Variants in ARHGAP6 observed in about 807,000 individuals in gnomAD.
ARHGAP6 encodes the protein rho GTPase-activating protein 6.
ARHGAP6 carries 16 observed loss-of-function variants against 55.7 expected under a neutral mutation model. The observed-to-expected ratio is 0.29, with a 90% CI of 0.19 to 0.44. ARHGAP6 has a LOEUF of 0.44. Among genes scored for constraint, ARHGAP6 ranks in the 20% least tolerant of loss-of-function variants. The probability of loss-of-function intolerance (pLI) is 1.00; values close to 1 mark genes in which losing one functional copy is unlikely to be tolerated. For missense variants in ARHGAP6, 698 were observed against 808.9 expected (o/e 0.86, Z 1.66); for synonymous variants, 382 against 360.9 (o/e 1.06, Z -0.66).
intron 2 of ARHGAP6, among the ~76,000 whole-genome samples, chrX:11,224,020 T>C (rs943124103): frequency 1.8e-5 from 2 of 112,159 alleles, no homozygotes; most frequent in Non-Finnish European, 3.8e-5. Context: ...CTTGCTACTT[T>C]ATAGTATAAA....
At chrX:11,232,387 G>A (rs1199504611) in intron 2 of ARHGAP6, among the ~76,000 whole-genome samples, 1 of 111,109 alleles carries the variant, frequency 9.0e-6, no homozygotes, top group Non-Finnish European at 1.9e-5. Flanking sequence ...TTGGGAGGCT[G>A]AGGCCGGCAG....
chrX:11,207,648 G>A (rs1213816314), intron 2 of ARHGAP6, among the ~76,000 whole-genome samples: 1 of 112,063 alleles, frequency 8.9e-6, no homozygotes, highest in Non-Finnish European at 1.9e-5. Context: ...TAGTCATTGA[G>A]CAACGGGCTG....
intron 10 of ARHGAP6, among the ~76,000 whole-genome samples, chrX:11,147,310 A>G (rs1481241827): frequency 1.3e-5 from 1 of 79,880 alleles, no homozygotes; most frequent in Non-Finnish European, 2.8e-5. Flanking sequence ...ACACAGACAC[A>G]TATTACATAT....
At chrX:11,264,179 C>T (rs1257895376) in intron 1 of ARHGAP6, among the ~76,000 whole-genome samples, 1 of 110,491 alleles carries the variant, frequency 9.1e-6, no homozygotes, top group Non-Finnish European at 1.9e-5. Flanking sequence ...CCATTTTCCT[C>T]CTCTCCTAAG....
chrX:11,596,427 T>C (rs12395439), intron 1 of ARHGAP6, among the ~76,000 whole-genome samples: 18,906 of 109,384 alleles, frequency 0.17, 1,345 homozygotes, highest in Middle Eastern at 0.24. Flanking sequence ...TGTCAGTGGG[T>C]TGGGGGAGTA....
chrX:11,326,131 C>CT (rs11333980), intron 1 of ARHGAP6, among the ~76,000 whole-genome samples: 3 of 84,687 alleles, frequency 3.5e-5, no homozygotes, highest in East Asian at 3.5e-4. Context: ...TTCTTTCTTT[C>CT]TTTTTTTTTT....
chrX:11,521,970 G>T (rs982974142), intron 1 of ARHGAP6, among the ~76,000 whole-genome samples: 1 of 111,132 alleles, frequency 9.0e-6, no homozygotes, highest in Non-Finnish European at 1.9e-5. Flanking sequence ...CTCTGTTATT[G>T]GTGTATAAGA....
At chrX:11,454,858 C>T (rs2050181411) in intron 1 of ARHGAP6, among the ~76,000 whole-genome samples, 1 of 112,489 alleles carries the variant, frequency 8.9e-6, no homozygotes, top group African/African-American at 3.2e-5. Flanking sequence ...AGTATATACA[C>T]CTCAATCCAG....
rs1249673724 is a variant in ARHGAP6 at position 11,138,704 on chromosome X, G to GT, written c.*158dup. ...GAACCTTATTCTCAATGGCGGGGGC[G>GT]TGAGTGCTCTACCTCTGTAGGTGAA... On this transcript the variant is annotated 3_prime_UTR_variant, in exon 13 of 13. Transcript: ENST00000337414. The GT allele has an allele frequency of 3.4e-5, 19 of 562,825 alleles. No individual in the cohort carries two copies. The highest frequency in any genetic ancestry group is 5.2e-5 in the Non-Finnish European group (19 of 363,161). 46.4% of individuals were successfully genotyped at this position (562,825 alleles called of 1,213,427 possible). A position where few individuals can be genotyped will look rare whatever the true frequency, so the allele number is the denominator to read the frequency against.
At chrX:11,268,269 T>C (rs1053754349) in intron 1 of ARHGAP6, among the ~76,000 whole-genome samples, 1 of 112,232 alleles carries the variant, frequency 8.9e-6, no homozygotes, top group Non-Finnish European at 1.9e-5. Context: ...GTCTCCTCCT[T>C]AGCTCCAGGA....
chrX:11,511,171 T>C (rs369598723), intron 1 of ARHGAP6, among the ~76,000 whole-genome samples: 1 of 112,342 alleles, frequency 8.9e-6, no homozygotes, highest in East Asian at 2.8e-4. Flanking sequence ...AGAGGATCTA[T>C]GGTTCCTGAA....
chrX:11,205,868 CTT>C (rs1396580165), intron 2 of ARHGAP6, among the ~76,000 whole-genome samples: 1 of 112,062 alleles, frequency 8.9e-6, no homozygotes, highest in African/African-American at 3.2e-5. Flanking sequence ...CTACTTATAA[CTT>C]TTTGAGTTTA....
chrX:11,602,934 C>T (rs1025445552), intron 1 of ARHGAP6, among the ~76,000 whole-genome samples: 5 of 112,175 alleles, frequency 4.5e-5, no homozygotes, highest in Non-Finnish European at 7.5e-5. Flanking sequence ...GCCCAGAACA[C>T]CGGATGTGTC....
At chrX:11,503,620 A>G (rs1044642641) in intron 1 of ARHGAP6, among the ~76,000 whole-genome samples, 1 of 111,674 alleles carries the variant, frequency 9.0e-6, no homozygotes, top group African/African-American at 3.3e-5. Flanking sequence ...CGTTGCAGTC[A>G]TTTGATAATC....
At chrX:11,419,777 T>C (rs2049796520) in intron 1 of ARHGAP6, among the ~76,000 whole-genome samples, 1 of 112,443 alleles carries the variant, frequency 8.9e-6, no homozygotes, top group African/African-American at 3.2e-5. Flanking sequence ...TTACCAGATA[T>C]TTCAGTCAAC....
chrX:11,396,929 G>A (rs1488388204), intron 1 of ARHGAP6, among the ~76,000 whole-genome samples: 1 of 111,258 alleles, frequency 9.0e-6, no homozygotes, highest in Non-Finnish European at 1.9e-5. Context: ...AATTATTTTG[G>A]TTAAAACATA....
At chrX:11,647,350 CA>C (rs2052540811) in intron 1 of ARHGAP6, among the ~76,000 whole-genome samples, 1 of 112,306 alleles carries the variant, frequency 8.9e-6, no homozygotes, top group South Asian at 3.7e-4. Flanking sequence ...CCCCTTCTGA[CA>C]GGGGAATGAC....
At chrX:11,434,125 C>A (rs960437771) in intron 1 of ARHGAP6, among the ~76,000 whole-genome samples, 1 of 111,855 alleles carries the variant, frequency 8.9e-6, no homozygotes, top group Non-Finnish European at 1.9e-5. Flanking sequence ...TGGGTGGAGA[C>A]CAGAGATGCT....
chrX:11,153,024 G>T (rs775652072), intron 10 of ARHGAP6, among the ~76,000 whole-genome samples: 15 of 111,620 alleles, frequency 1.3e-4, no homozygotes, highest in African/African-American at 4.9e-4. Context: ...ACCCTTGGAG[G>T]CCTCCTCCAA....
Sources: gnomAD v4.1 joint callset for allele counts (sites outside exome capture counted in the v4.1 genomes callset) on GRCh38, gnomAD v4.1.1 for gene constraint, MANE v1.5 for transcripts, NCBI Gene and HGNC (gene_info 2026-07-23, HGNC 2026-07-21) for gene names.